DSCAM: variants seen among roughly 807,000 people sequenced by gnomAD.
The protein encoded by DSCAM is cell adhesion molecule DSCAM.
Under a neutral mutation model 217.7 loss-of-function variants are expected in DSCAM, and 47 were observed. The observed-to-expected ratio is 0.22, with a 90% CI of 0.17 to 0.28. DSCAM has a LOEUF of 0.28. Among genes scored for constraint, DSCAM ranks in the 10% least tolerant of loss-of-function variants. The pLI, the probability that DSCAM is intolerant of heterozygous loss-of-function variation, is 1.00. For synonymous variants in DSCAM, 1,056 were observed against 1,015.3 expected, an observed-to-expected ratio of 1.04 and a Z score of -0.76; for missense variants, 2,080 against 2,618.3, an observed-to-expected ratio of 0.79 and a Z score of 4.49.
intron 3 of DSCAM, among the ~76,000 whole-genome samples, chr21:40,434,830 T>G (rs1342948175): frequency 6.6e-6 from 1 of 152,150 alleles, no homozygotes; most frequent in Non-Finnish European, 1.5e-5. Context: ...TTGGGGAGAA[T>G]GTACAATCAC....
chr21:40,353,966 G>T (rs1393801153), intron 4 of DSCAM, among the ~76,000 whole-genome samples: 1 of 152,116 alleles, frequency 6.6e-6, no homozygotes, highest in Non-Finnish European at 1.5e-5. Flanking sequence ...GCTTCTGTTG[G>T]TCATTCCTCA....
chr21:40,817,878 T>C (rs542645244), intron 1 of DSCAM, among the ~76,000 whole-genome samples: 93 of 138,688 alleles, frequency 6.7e-4, no homozygotes, highest in Middle Eastern at 4.4e-3. Flanking sequence ...GGGTGGATCA[T>C]GAGGTCAGGA....
intron 6 of DSCAM, among the ~76,000 whole-genome samples, chr21:40,343,860 T>C (rs1397297800): frequency 6.6e-6 from 1 of 150,402 alleles, no homozygotes; most frequent in African/African-American, 2.4e-5. Context: ...TATTTCATTT[T>C]ATTTTATTTT....
chr21:40,414,200 G>C (rs2075349222), intron 3 of DSCAM, among the ~76,000 whole-genome samples: 2 of 152,146 alleles, frequency 1.3e-5, no homozygotes, highest in Non-Finnish European at 2.9e-5. Context: ...TCCAACTGCA[G>C]ATTAAGAGAA....
In DSCAM at chr21:40,016,462, G is replaced by C. The variant is rs139580236; in HGVS notation, c.5687-3076C>G. 1.0e-3 allele frequency among the ~76,000 whole-genome samples: 159 copies of C among 152,334 alleles called. No individual in the cohort carries two copies. The highest frequency in any genetic ancestry group is 3.4e-3 in the African/African-American group (143 of 41,590). On this transcript the variant is annotated intron_variant, in intron 32 of 32. Transcript: ENST00000400454. This position sits in a 1 kb window ranked among gnomAD's most constrained non-coding sequence, Gnocchi z 4.3. The stretch of plus-strand genomic sequence containing the variant: ...GGGGACATTCAAGACAAGATATCTA[G>C]TAGGTATTTTTATCATAGAAACGTA...
At chr21:40,238,086 G>A (rs936436267) in intron 11 of DSCAM, among the ~76,000 whole-genome samples, 1 of 152,182 alleles carries the variant, frequency 6.6e-6, no homozygotes, top group African/African-American at 2.4e-5. Context: ...ATGGGGATAT[G>A]TGGGAGGAAA....
At chr21:40,311,560 C>A (rs1327541436) in intron 9 of DSCAM, among the ~76,000 whole-genome samples, 1 of 151,962 alleles carries the variant, frequency 6.6e-6, no homozygotes, top group African/African-American at 2.4e-5. Flanking sequence ...AATGGCGTCC[C>A]AAAATAATGA....
At chr21:40,542,199 C>T (rs73364963) in intron 3 of DSCAM, among the ~76,000 whole-genome samples, 11,558 of 152,114 alleles carry the variant, frequency 0.076, 861 homozygotes, top group African/African-American at 0.19. Context: ...AAAATAAATA[C>T]TCAATCTCAA....
intron 15 of DSCAM, among the ~76,000 whole-genome samples, chr21:40,171,446 A>G (rs1015410453): frequency 1.2e-4 from 18 of 152,182 alleles, no homozygotes; most frequent in African/African-American, 4.3e-4. Context: ...TCCAGGACAG[A>G]CTTAACTGTT....
At chr21:40,447,517 T>C (rs1452527246) in intron 3 of DSCAM, among the ~76,000 whole-genome samples, 2 of 152,164 alleles carry the variant, frequency 1.3e-5, no homozygotes, top group African/African-American at 4.8e-5. Context: ...AAAACATTAC[T>C]CAAATTAGGA....
At chr21:40,720,577 T>C (rs1008389752) in intron 1 of DSCAM, among the ~76,000 whole-genome samples, 1 of 152,024 alleles carries the variant, frequency 6.6e-6, no homozygotes, top group Admixed American at 6.6e-5. Context: ...CTTAGAAATA[T>C]GAAATTCTGT....
intron 1 of DSCAM, among the ~76,000 whole-genome samples, chr21:40,821,395 A>G (rs749339533): frequency 0.047 from 5,448 of 115,234 alleles, 256 homozygotes; most frequent in African/African-American, 0.13. Flanking sequence ...ACACGCGCGC[A>G]CACACACACA....
chr21:40,333,498 A>G (rs1225963897), intron 8 of DSCAM, among the ~76,000 whole-genome samples: 2 of 152,008 alleles, frequency 1.3e-5, no homozygotes, highest in African/African-American at 4.8e-5. Flanking sequence ...CTGAGTATCT[A>G]GGATTACAGG....
At chr21:40,123,907 C>G (rs756048063) in intron 20 of DSCAM, among the ~76,000 whole-genome samples, 1 of 152,132 alleles carries the variant, frequency 6.6e-6, no homozygotes, top group Non-Finnish European at 1.5e-5. Context: ...AAGGCACAAT[C>G]AAGGCCTCTG....
rs1018842224 is a variant in DSCAM, at chr21:40,731,737, C to T, written c.44-22966G>A. The stretch of plus-strand genomic sequence containing the variant: ...ACCTCCTTCCCACTGCACCCCCCCC[C>T]CCGCCCCCCGGGTGAGAGTCTTGCT... On this transcript the variant is annotated intron_variant, in intron 1 of 32. Coordinates refer to ENST00000400454, the MANE Select transcript of DSCAM (RefSeq NM_001389.5). Among the ~76,000 whole-genome samples, 173 of 131,038 alleles carry T rather than the reference C, an allele frequency of 1.3e-3. 3 individuals are homozygous for T. The highest frequency in any genetic ancestry group is 4.5e-3 in the African/African-American group (160 of 35,842). The allele number at this position is 131,038 out of a possible 152,430, so 86.0% of individuals were successfully genotyped here.
intron 1 of DSCAM, among the ~76,000 whole-genome samples, chr21:40,843,660 C>G (rs2123692893): frequency 6.6e-6 from 1 of 152,186 alleles, no homozygotes; most frequent in African/African-American, 2.4e-5. Context: ...TGCACTGTAA[C>G]AGAAGCTCGC....
At chr21:40,064,895 T>C (rs2089183067) in intron 27 of DSCAM, among the ~76,000 whole-genome samples, 1 of 152,028 alleles carries the variant, frequency 6.6e-6, no homozygotes, top group South Asian at 2.1e-4. Context: ...CAGAGGTGGG[T>C]GGTGGATGGG....
intron 1 of DSCAM, among the ~76,000 whole-genome samples, chr21:40,734,668 C>A (rs748131070): frequency 8.5e-5 from 13 of 152,226 alleles, no homozygotes; most frequent in Non-Finnish European, 1.9e-4. Context: ...AAAAATTCAA[C>A]TGGGACCTCC....
At chr21:40,465,367 G>A (rs556338727) in intron 3 of DSCAM, among the ~76,000 whole-genome samples, 21 of 152,042 alleles carry the variant, frequency 1.4e-4, no homozygotes, top group African/African-American at 4.1e-4. Flanking sequence ...GAGCTTAAAC[G>A]TCTCCCAAAA....
Sources: gnomAD v4.1 joint callset for allele counts (sites outside exome capture counted in the v4.1 genomes callset) on GRCh38, gnomAD v4.1.1 for gene constraint, Gnocchi (gnomAD v3.1) non-coding constraint, MANE v1.5 for transcripts, NCBI Gene and HGNC (gene_info 2026-07-23, HGNC 2026-07-21) for gene names.